The following BACH1 variants were observed in gnomAD, a reference collection of about 807,000 sequenced individuals.
BACH1 encodes the protein BTB domain and CNC homolog 1, also known as transcription regulator protein BACH1.
In BACH1, 35 loss-of-function variants were observed where a neutral mutation model predicts 52.9. That is an observed-to-expected ratio of 0.66 (90% CI 0.51 to 0.88). The LOEUF (loss-of-function observed/expected upper bound fraction) is 0.88, where lower values mean the gene tolerates loss of function less well. Among genes scored for constraint, BACH1 ranks in the 40% least tolerant of loss-of-function variants. The pLI is 0.00. For missense variants in BACH1, 808 were observed against 872.6 expected, an observed-to-expected ratio of 0.93 and a Z score of 0.93; for synonymous variants, 321 against 319.6, an observed-to-expected ratio of 1.00 and a Z score of -0.05.
At chr21:29,346,451 T>C (rs916893409), downstream of BACH1, among the ~76,000 whole-genome samples, 1 of 152,236 alleles carries the variant, frequency 6.6e-6, no homozygotes, top group African/African-American at 2.4e-5. Context: ...CTTTGTATCC[T>C]ATTCAATTTC....
chr21:29,314,791 C>T (rs1306247655), intron 1 of BACH1, among the ~76,000 whole-genome samples: 3 of 151,930 alleles, frequency 2.0e-5, no homozygotes, highest in Non-Finnish European at 2.9e-5. Context: ...TGTCAGTGTA[C>T]CTTATCCAAT....
chr21:29,357,553 C>T (rs2089242469), intron 2 of BACH1, among the ~76,000 whole-genome samples: 2 of 152,196 alleles, frequency 1.3e-5, no homozygotes, highest in South Asian at 4.1e-4. Flanking sequence ...CCATTTACAT[C>T]ATGAGTAGTC....
At chr21:29,309,644 G>T (rs2088697954) in intron 1 of BACH1, among the ~76,000 whole-genome samples, 1 of 152,152 alleles carries the variant, frequency 6.6e-6, no homozygotes, top group African/African-American at 2.4e-5. Flanking sequence ...GGGCAGACTT[G>T]TGCAATTTTA....
intron 4 of BACH1, among the ~76,000 whole-genome samples, chr21:29,338,432 G>A (rs1274470114): frequency 6.6e-6 from 1 of 152,088 alleles, no homozygotes; most frequent in African/African-American, 2.4e-5. Flanking sequence ...AGAGTGCAGT[G>A]GCACAGTCAT....
At chr21:29,334,934 G>A (rs910690822) in intron 4 of BACH1, among the ~76,000 whole-genome samples, 1 of 152,144 alleles carries the variant, frequency 6.6e-6, no homozygotes, top group African/African-American at 2.4e-5. Flanking sequence ...CTGTCATTCC[G>A]TGTTGTCGTT....
intron 1 of BACH1, among the ~76,000 whole-genome samples, chr21:29,308,866 A>C (rs539891216): frequency 6.6e-6 from 1 of 152,226 alleles, no homozygotes; most frequent in Non-Finnish European, 1.5e-5. Flanking sequence ...ATGTATAACT[A>C]TAGACCTTGA....
chr21:29,321,436 G>T lies in BACH1; in HGVS notation c.156G>T (p.Leu52=). ...GQRFRAHRSV[L]AACSSYFHSR... ...GGTTCCGCGCTCACCGGTCCGTGCT[G>T]GCGGCATGCAGCAGTTACTTCCACT... The change falls in exon 2 of 5, where the codon CTG becomes CTT. Residue 52 remains leucine (L), a synonymous_variant. Coordinates refer to ENST00000286800, the MANE Select transcript of BACH1 (RefSeq NM_001186.4). 1 of 1,614,210 alleles carries T rather than the reference G, an allele frequency of 6.2e-7. No individual in the cohort carries two copies. The highest frequency in any genetic ancestry group is 8.5e-7 in the Non-Finnish European group (1 of 1,180,040).
intron 3 of BACH1, among the ~76,000 whole-genome samples, chr21:29,328,778 G>C (rs538796637): frequency 6.6e-6 from 1 of 152,074 alleles, no homozygotes; most frequent in East Asian, 1.9e-4. Flanking sequence ...TGTCTACTTC[G>C]TATAAGTGAA....
chr21:29,341,729 T>C (rs1285937698), intron 4 of BACH1, among the ~76,000 whole-genome samples: 1 of 152,190 alleles, frequency 6.6e-6, no homozygotes, highest in East Asian at 1.9e-4. Flanking sequence ...GTCCCATCCC[T>C]TCAGTGGGTT....
intron 2 of BACH1, among the ~76,000 whole-genome samples, chr21:29,354,532 C>A (rs1252941771): frequency 1.3e-5 from 2 of 152,160 alleles, no homozygotes; most frequent in Non-Finnish European, 2.9e-5. Context: ...TGGCCAGATT[C>A]ATGAAACATG....
chr21:29,360,232 C>T (rs2089263200), intron 2 of BACH1, among the ~76,000 whole-genome samples: 1 of 151,986 alleles, frequency 6.6e-6, no homozygotes, highest in Non-Finnish European at 1.5e-5. Context: ...CATCATGTAC[C>T]CAAGACTTCC....
At chr21:29,348,554 C>T (rs932340258), downstream of BACH1, among the ~76,000 whole-genome samples, 5 of 152,114 alleles carry the variant, frequency 3.3e-5, no homozygotes, top group African/African-American at 7.2e-5. Context: ...ATTGGAAGGA[C>T]GCTCAAAAAG....
intron 2 of BACH1, chr21:29,359,281 A>G (rs1311328631): frequency 2.0e-5 from 3 of 151,784 alleles, no homozygotes; most frequent in South Asian, 4.2e-4. Flanking sequence ...TGTTTGACAC[A>G]ATGATTGTCT....
chr21:29,333,782 G>A (rs565929666), intron 4 of BACH1, among the ~76,000 whole-genome samples: 25 of 152,294 alleles, frequency 1.6e-4, no homozygotes, highest in African/African-American at 5.8e-4. Flanking sequence ...AAGTGGGTTA[G>A]TATTATAATT....
At chr21:29,341,097 T>C (rs1271411573) in intron 4 of BACH1, among the ~76,000 whole-genome samples, 1 of 152,198 alleles carries the variant, frequency 6.6e-6, no homozygotes, top group East Asian at 1.9e-4. Flanking sequence ...CTTTAAAATA[T>C]TTTAGAAATA....
At chr21:29,360,617 G>T (rs2089265373) in intron 2 of BACH1, among the ~76,000 whole-genome samples, 1 of 152,062 alleles carries the variant, frequency 6.6e-6, no homozygotes, top group Non-Finnish European at 1.5e-5. Context: ...GGCCGAGGTG[G>T]GTGGATCACC....
intron 2 of BACH1, among the ~76,000 whole-genome samples, chr21:29,359,617 T>A (rs1235447118): frequency 2.6e-5 from 4 of 151,686 alleles, no homozygotes; most frequent in African/African-American, 9.7e-5. Context: ...GACTCCAGAA[T>A]CACTAAGCCA....
At chr21:29,333,469 T>A (rs977381833) in intron 4 of BACH1, among the ~76,000 whole-genome samples, 12 of 152,238 alleles carry the variant, frequency 7.9e-5, no homozygotes, top group African/African-American at 2.9e-4. Context: ...ATAACAAACC[T>A]ATTTAAGGGA....
chr21:29,315,370 CCT>C (rs2088773960), intron 1 of BACH1, among the ~76,000 whole-genome samples: 1 of 152,070 alleles, frequency 6.6e-6, no homozygotes, highest in Non-Finnish European at 1.5e-5. Flanking sequence ...GAGGAATTTC[CCT>C]GTCTTCTGAG....
Sources: gnomAD v4.1 joint callset for allele counts (sites outside exome capture counted in the v4.1 genomes callset) on GRCh38, gnomAD v4.1.1 for gene constraint, MANE v1.5 for transcripts, NCBI Gene and HGNC (gene_info 2026-07-23, HGNC 2026-07-21) for gene names.